Variants in KIAA1328 observed in about 807,000 individuals in gnomAD.
KIAA1328 encodes the protein KIAA1328.
KIAA1328 carries 52 observed loss-of-function variants against 68.1 expected under a neutral mutation model. The observed-to-expected ratio is 0.76, with a 90% CI of 0.61 to 0.96. The LOEUF (loss-of-function observed/expected upper bound fraction) is 0.96. Ranked by LOEUF, KIAA1328 falls within the 40% of genes least tolerant of loss-of-function variation. The pLI, the probability that KIAA1328 is intolerant of heterozygous loss-of-function variation, is 0.00. For missense variants in KIAA1328, 641 were observed against 677.6 expected, an observed-to-expected ratio of 0.95 and a Z score of 0.60; for synonymous variants, 232 against 239.4, an observed-to-expected ratio of 0.97 and a Z score of 0.28.
chr18:37,052,670 A>C (rs2055746431), intron 6 of KIAA1328, among the ~76,000 whole-genome samples: 1 of 152,198 alleles, frequency 6.6e-6, no homozygotes, highest in Admixed American at 6.5e-5. Flanking sequence ...ATCGGCATTC[A>C]AAAAACCAAT....
intron 6 of KIAA1328, among the ~76,000 whole-genome samples, chr18:37,036,398 T>C (rs1292248859): frequency 6.6e-6 from 1 of 152,260 alleles, no homozygotes; most frequent in Non-Finnish European, 1.5e-5. Flanking sequence ...AAGCCTGATA[T>C]AGACCCTGAA....
chr18:37,210,579 A>T (rs2060297777), intron 9 of KIAA1328, among the ~76,000 whole-genome samples: 1 of 152,090 alleles, frequency 6.6e-6, no homozygotes. Flanking sequence ...GTGTCCCTTT[A>T]AATTATTTGA....
chr18:37,119,738 G>A (rs537334646), intron 7 of KIAA1328, among the ~76,000 whole-genome samples: 5 of 152,138 alleles, frequency 3.3e-5, no homozygotes, highest in Non-Finnish European at 5.9e-5. Context: ...GTGAATGTAT[G>A]TATAAAATGA....
chr18:37,112,168 G>C (rs186558112), intron 7 of KIAA1328, among the ~76,000 whole-genome samples: 24 of 152,326 alleles, frequency 1.6e-4, no homozygotes, highest in Non-Finnish European at 2.6e-4. Context: ...GCTTTGAAGA[G>C]AGTAGCAGTT....
intron 9 of KIAA1328, among the ~76,000 whole-genome samples, chr18:37,191,893 C>T (rs2059910744): frequency 6.6e-6 from 1 of 152,076 alleles, no homozygotes; most frequent in South Asian, 2.1e-4. Context: ...ATGATTTTGC[C>T]CTTTGGCACC....
intron 7 of KIAA1328, among the ~76,000 whole-genome samples, chr18:37,157,807 CAAAAAAAAAAAAAA>C (rs542590805): frequency 1.8e-5 from 1 of 55,404 alleles, no homozygotes; most frequent in African/African-American, 7.4e-5. Flanking sequence ...GACTCCTCTC[CAAAAAAAAAAAAAA>C]AAAAAAAAAG....
intron 6 of KIAA1328, among the ~76,000 whole-genome samples, chr18:37,058,926 G>T (rs1489144797): frequency 6.6e-6 from 1 of 151,692 alleles, no homozygotes; most frequent in East Asian, 1.9e-4. Context: ...TTGGATAGTG[G>T]TTACATGGGT....
chr18:36,928,020 A>G (rs1372856561), intron 5 of KIAA1328, among the ~76,000 whole-genome samples: 2 of 152,240 alleles, frequency 1.3e-5, no homozygotes, highest in African/African-American at 4.8e-5. Flanking sequence ...TCTATGGCGT[A>G]GAAAGCATTT....
At chr18:36,841,630 C>T (rs1227122317) in intron 3 of KIAA1328, among the ~76,000 whole-genome samples, 1 of 152,092 alleles carries the variant, frequency 6.6e-6, no homozygotes, top group Admixed American at 6.5e-5. Flanking sequence ...AATACTTTAA[C>T]TTTTGCAGGC....
chr18:36,981,986 G>T (rs894166902), intron 6 of KIAA1328, among the ~76,000 whole-genome samples: 3 of 150,544 alleles, frequency 2.0e-5, no homozygotes, highest in Non-Finnish European at 4.4e-5. Flanking sequence ...AAGAAAAAAT[G>T]AGTGAGTTGG....
At chr18:36,994,958 A>G (rs1390882285) in intron 6 of KIAA1328, among the ~76,000 whole-genome samples, 1 of 151,656 alleles carries the variant, frequency 6.6e-6, no homozygotes, top group Non-Finnish European at 1.5e-5. Context: ...TTATTTATTT[A>G]TTTATTTATT....
intron 6 of KIAA1328, among the ~76,000 whole-genome samples, chr18:37,051,100 A>G (rs1299438915): frequency 2.0e-5 from 3 of 152,204 alleles, no homozygotes; most frequent in East Asian, 1.9e-4. Flanking sequence ...TATTCTGTCA[A>G]TTGTTCCATG....
At chr18:36,946,744 T>G (rs544926623) in intron 5 of KIAA1328, among the ~76,000 whole-genome samples, 40 of 152,292 alleles carry the variant, frequency 2.6e-4, no homozygotes, top group African/African-American at 9.1e-4. Flanking sequence ...TCCCTCACCT[T>G]CAAGTAGAGG....
intron 7 of KIAA1328, among the ~76,000 whole-genome samples, chr18:37,108,662 T>C (rs2057841798): frequency 6.6e-6 from 1 of 152,236 alleles, no homozygotes; most frequent in Non-Finnish European, 1.5e-5. Flanking sequence ...GTTCTCTCCA[T>C]GCCTTAGCAT....
chr18:37,110,993 TG>T (rs776157174), intron 7 of KIAA1328, among the ~76,000 whole-genome samples: 64 of 152,306 alleles, frequency 4.2e-4, no homozygotes, highest in South Asian at 3.5e-3. Context: ...CTTTGGTACT[TG>T]GTGTGTGCAA....
intron 7 of KIAA1328, among the ~76,000 whole-genome samples, chr18:37,149,479 A>G (rs2058979803): frequency 6.6e-6 from 1 of 152,212 alleles, no homozygotes; most frequent in Admixed American, 6.5e-5. Flanking sequence ...GGTACCATTC[A>G]GGACATAGGC....
At chr18:36,858,408 A>C (rs1601014360) in intron 4 of KIAA1328, among the ~76,000 whole-genome samples, 2 of 152,280 alleles carry the variant, frequency 1.3e-5, no homozygotes, top group East Asian at 3.9e-4. Flanking sequence ...GATGAGTAAC[A>C]GATAGTTCAG....
intron 9 of KIAA1328, among the ~76,000 whole-genome samples, chr18:37,199,744 C>G (rs934630340): frequency 6.6e-6 from 1 of 152,126 alleles, no homozygotes; most frequent in African/African-American, 2.4e-5. Context: ...TCTCCACAAC[C>G]TCACCAGCAT....
chr18:37,183,796 T>C (rs1389498345), intron 9 of KIAA1328, among the ~76,000 whole-genome samples: 1 of 152,192 alleles, frequency 6.6e-6, no homozygotes, highest in Non-Finnish European at 1.5e-5. Flanking sequence ...TCTCAGCAAG[T>C]TTTAAGAGAA....
Sources: allele counts gnomAD v4.1 joint callset (sites outside exome capture counted in the v4.1 genomes callset), GRCh38; gene constraint gnomAD v4.1.1; transcripts MANE v1.5; gene names NCBI Gene and HGNC (gene_info 2026-07-23, HGNC 2026-07-21).